NLK: variants seen among roughly 807,000 people sequenced by gnomAD.
The protein encoded by NLK is nemo like kinase, also known as serine/threonine-protein kinase NLK.
NLK carries 11 observed loss-of-function variants against 59.0 expected under a neutral mutation model. That is an observed-to-expected ratio of 0.19 (90% CI 0.12 to 0.31). NLK has a LOEUF of 0.31. NLK is among the 10% of genes least tolerant of loss of function. The pLI is 1.00. For missense variants in NLK, 410 were observed against 661.1 expected (o/e 0.62, Z 4.16); for synonymous variants, 235 against 235.9 (o/e 1.00, Z 0.03).
At chr17:28,200,450 G>GA (rs1416389772), downstream of NLK, among the ~76,000 whole-genome samples, 1 of 152,066 alleles carries the variant, frequency 6.6e-6, no homozygotes, top group Non-Finnish European at 1.5e-5. Context: ...GTACACCAAC[G>GA]AAAGAGTCAA....
At chr17:28,129,771 T>C (rs1906443817) in intron 2 of NLK, among the ~76,000 whole-genome samples, 1 of 152,130 alleles carries the variant, frequency 6.6e-6, no homozygotes, top group African/African-American at 2.4e-5. Context: ...TTCTATGAAT[T>C]AACAGATAAA....
intron 1 of NLK, among the ~76,000 whole-genome samples, chr17:28,060,979 G>C (rs1290037467): frequency 6.6e-6 from 1 of 152,170 alleles, no homozygotes; most frequent in Non-Finnish European, 1.5e-5. Context: ...ATGAGTAGTA[G>C]AGTGGTCATC....
At chr17:28,075,753 G>A (rs892824789) in intron 1 of NLK, among the ~76,000 whole-genome samples, 6 of 151,946 alleles carry the variant, frequency 3.9e-5, no homozygotes, top group Admixed American at 3.9e-4. Context: ...CCACTTTCTC[G>A]GTCCCTTCAC....
chr17:28,054,398 A>C (rs1909365239), intron 1 of NLK, among the ~76,000 whole-genome samples: 1 of 152,246 alleles, frequency 6.6e-6, no homozygotes, highest in Admixed American at 6.5e-5. Context: ...TGTTTAAAAC[A>C]TTTTAATAAA....
downstream of NLK, among the ~76,000 whole-genome samples, chr17:28,197,509 A>G (rs1446307041): frequency 1.3e-5 from 2 of 151,848 alleles, no homozygotes; most frequent in Non-Finnish European, 2.9e-5. Context: ...CTTTACAGAT[A>G]AGTATTTGAG....
intron 3 of NLK, among the ~76,000 whole-genome samples, chr17:28,154,851 T>C (rs1396936075): frequency 2.6e-5 from 4 of 152,180 alleles, no homozygotes; most frequent in African/African-American, 9.6e-5. Flanking sequence ...CTGGCCAACA[T>C]GGCGAAACCC....
intron 5 of NLK, among the ~76,000 whole-genome samples, chr17:28,166,545 A>T (rs929190895): frequency 2.0e-5 from 3 of 152,228 alleles, no homozygotes; most frequent in Admixed American, 6.5e-5. Flanking sequence ...TAGAAAACAG[A>T]TTTAAAATCA....
At chr17:28,151,876 A>G (rs1286420851) in intron 3 of NLK, among the ~76,000 whole-genome samples, 1 of 152,194 alleles carries the variant, frequency 6.6e-6, no homozygotes, top group Non-Finnish European at 1.5e-5. Context: ...TGCTTAGGAG[A>G]GGGAATGCCT....
At chr17:28,143,755 A>G (rs1469096921) in intron 3 of NLK, among the ~76,000 whole-genome samples, 1 of 152,216 alleles carries the variant, frequency 6.6e-6, no homozygotes, top group Non-Finnish European at 1.5e-5. Context: ...AAGCCAGCCC[A>G]CTATCTTTCT....
At chr17:28,111,090 C>G (rs1043517530) in intron 1 of NLK, among the ~76,000 whole-genome samples, 6 of 152,140 alleles carry the variant, frequency 3.9e-5, no homozygotes, top group Non-Finnish European at 8.8e-5. Flanking sequence ...GTGATCCGCC[C>G]GCTCCTTTAA....
intron 3 of NLK, among the ~76,000 whole-genome samples, chr17:28,145,813 C>T (rs1160928179): frequency 6.6e-6 from 1 of 152,090 alleles, no homozygotes; most frequent in South Asian, 2.1e-4. Flanking sequence ...TCAAGGGATT[C>T]TCCTGCCTCA....
Position 28,043,205 on chromosome 17 carries a change from C to T in NLK, c.332C>T (p.Ala111Val). 6.2e-7 allele frequency: 1 copy of T among 1,614,036 alleles called. No individual in the cohort carries two copies. Among genetic ancestry groups the T allele is most frequent in the Non-Finnish European group, 8.5e-7 (1 of 1,179,898 alleles). The change falls in exon 1 of 11, where the codon GCT becomes GTT. Residue 111 changes from alanine to valine, a missense_variant. Transcript: ENST00000407008. ...CCTGGACCAGCTGCAGCAGCCCCAG[C>T]TCAGGTACAGGCTGCCGCAGCTGCT... Reference protein sequence around the residue: ...QAPGPAAAAPAQVQAAAAATV... With the variant: ...QAPGPAAAAPVQVQAAAAATV...
intron 1 of NLK, among the ~76,000 whole-genome samples, chr17:28,056,523 A>G (rs1010544504): frequency 2.6e-5 from 4 of 152,238 alleles, no homozygotes; most frequent in Admixed American, 1.3e-4. Context: ...AACTCTATAT[A>G]AATGAAACCA....
the NLK span, among the ~76,000 whole-genome samples, chr17:28,202,687 CT>C: frequency 0.025 from 3,292 of 133,306 alleles, 80 homozygotes; most frequent in African/African-American, 0.082. Context: ...TCTTTTTTTT[CT>C]TTTTTTTTTT....
intron 1 of NLK, among the ~76,000 whole-genome samples, chr17:28,106,922 A>G (rs546489416): frequency 1.2e-4 from 18 of 152,224 alleles, no homozygotes; most frequent in Non-Finnish European, 2.2e-4. Context: ...GTTAATCCCA[A>G]AAGGACCTAA....
chr17:28,177,249 A>G (rs541868172), intron 7 of NLK, among the ~76,000 whole-genome samples: 4 of 152,326 alleles, frequency 2.6e-5, no homozygotes, highest in African/African-American at 4.8e-5. Flanking sequence ...GACCCATGCA[A>G]TTCAAACCTG....
At chr17:28,186,455 T>G (rs183185141) in intron 8 of NLK, among the ~76,000 whole-genome samples, 1 of 152,300 alleles carries the variant, frequency 6.6e-6, no homozygotes, top group Admixed American at 6.5e-5. Context: ...TTCTTTTTTG[T>G]TTTTTTACTG....
At chr17:28,121,596 G>A (rs1280516221) in intron 1 of NLK, among the ~76,000 whole-genome samples, 1 of 130,498 alleles carries the variant, frequency 7.7e-6, no homozygotes, top group African/African-American at 2.9e-5. Context: ...TCCGCCTCCA[G>A]GTTCAAGCAA....
intron 7 of NLK, among the ~76,000 whole-genome samples, chr17:28,175,632 C>A (rs910053006): frequency 6.6e-6 from 1 of 152,100 alleles, no homozygotes; most frequent in African/African-American, 2.4e-5. Flanking sequence ...TCAGTTCATT[C>A]ATCTGTAAAA....
Sources: allele counts gnomAD v4.1 joint callset (sites outside exome capture counted in the v4.1 genomes callset), GRCh38; gene constraint gnomAD v4.1.1; transcripts MANE v1.5; gene names NCBI Gene and HGNC (gene_info 2026-07-23, HGNC 2026-07-21).